The following NRXN3 variants were observed in gnomAD, a reference collection of about 807,000 sequenced individuals.
The protein encoded by NRXN3 is neurexin III.
Under a neutral mutation model 137.6 loss-of-function variants are expected in NRXN3, and 32 were observed. The ratio of observed to expected loss-of-function variants is 0.23; its 90% CI spans 0.18 to 0.31. The LOEUF (loss-of-function observed/expected upper bound fraction) is 0.31, where lower values mean the gene tolerates loss of function less well. NRXN3 is among the 10% of genes least tolerant of loss of function. The probability of loss-of-function intolerance (pLI) is 1.00; values close to 1 mark genes in which losing one functional copy is unlikely to be tolerated. For missense variants in NRXN3, 1,574 were observed against 2,062.5 expected (o/e 0.76, Z 4.59); for synonymous variants, 798 against 784.5 (o/e 1.02, Z -0.29).
At chr14:79,544,245 A>G (rs1450646329) in intron 16 of NRXN3, among the ~76,000 whole-genome samples, 1 of 152,220 alleles carries the variant, frequency 6.6e-6, no homozygotes, top group Non-Finnish European at 1.5e-5. Context: ...GCGCTACAGG[A>G]TAGCACAATA....
intron 15 of NRXN3, among the ~76,000 whole-genome samples, chr14:79,000,162 T>C (rs2099538467): frequency 6.6e-6 from 1 of 152,142 alleles, no homozygotes; most frequent in Non-Finnish European, 1.5e-5. Flanking sequence ...TCCTGGTAAA[T>C]TAACTACATG....
chr14:79,118,986 A>G (rs993190254), intron 15 of NRXN3, among the ~76,000 whole-genome samples: 3 of 152,182 alleles, frequency 2.0e-5, no homozygotes, highest in African/African-American at 7.2e-5. Context: ...AGTCATTACC[A>G]TCTGTAAGGT....
Position 79,738,859 on chromosome 14 carries a change from A to G in NRXN3, c.4014+40922A>G, listed in dbSNP as rs114789431. On this transcript the variant is annotated intron_variant, in intron 19 of 20. Coordinates refer to ENST00000335750, the MANE Select transcript of NRXN3 (RefSeq NM_001330195.2). ...CAGACATGAGCCACTGCGCCCAGCC[A>G]AATGTGTTCATTTTAAGTCACTCAC... is the stretch of plus-strand genomic sequence containing the variant. Among the ~76,000 whole-genome samples, 258 of 152,314 alleles carry G rather than the reference A, an allele frequency of 1.7e-3. 1 individual carries two copies. The highest frequency in any genetic ancestry group is 6.1e-3 in the African/African-American group (253 of 41,582).
chr14:78,835,004 T>G (rs967124829), intron 10 of NRXN3, among the ~76,000 whole-genome samples: 8 of 151,944 alleles, frequency 5.3e-5, no homozygotes, highest in Non-Finnish European at 1.0e-4. Flanking sequence ...GCTGTCTTGC[T>G]AAAGACATCC....
chr14:78,660,840 T>A (rs1378342325), intron 6 of NRXN3, among the ~76,000 whole-genome samples: 2 of 152,244 alleles, frequency 1.3e-5, no homozygotes, highest in Non-Finnish European at 2.9e-5. Flanking sequence ...GAATTCCTCA[T>A]GTTCCTATTT....
At chr14:79,087,927 T>TG in intron 15 of NRXN3, among the ~76,000 whole-genome samples, 2 of 152,112 alleles carry the variant, frequency 1.3e-5, no homozygotes, top group Non-Finnish European at 2.9e-5. Flanking sequence ...CGCCTGCTTG[T>TG]TTGGGAAATA....
chr14:79,276,204 C>A (rs1427924819), intron 15 of NRXN3, among the ~76,000 whole-genome samples: 2 of 151,984 alleles, frequency 1.3e-5, no homozygotes, highest in African/African-American at 2.4e-5. Flanking sequence ...ATGTGTTAGA[C>A]TAATATAGGC....
At chr14:79,648,296 A>T (rs1232075856) in intron 16 of NRXN3, among the ~76,000 whole-genome samples, 1 of 135,408 alleles carries the variant, frequency 7.4e-6, no homozygotes, top group African/African-American at 2.5e-5. Flanking sequence ...GACTGTGGTG[A>T]ATTGGAAAAC....
intron 13 of NRXN3, among the ~76,000 whole-genome samples, chr14:78,967,925 T>A (rs780425515): frequency 6.6e-6 from 1 of 152,008 alleles, no homozygotes; most frequent in Admixed American, 6.6e-5. Flanking sequence ...ATATTGTTAA[T>A]CTTTACTCCA....
At chr14:78,354,140 G>A (rs2083936686) in intron 4 of NRXN3, among the ~76,000 whole-genome samples, 1 of 152,152 alleles carries the variant, frequency 6.6e-6, no homozygotes, top group Non-Finnish European at 1.5e-5. Flanking sequence ...GAAATAGGAA[G>A]CATCCATTTG....
intron 16 of NRXN3, among the ~76,000 whole-genome samples, chr14:79,481,489 T>C (rs1349180259): frequency 6.6e-6 from 1 of 152,234 alleles, no homozygotes; most frequent in African/African-American, 2.4e-5. Context: ...ATCCAGGCTA[T>C]AAACCTGCAC....
At chr14:78,332,315 CTTCTT>C (rs1460263239) in intron 4 of NRXN3, among the ~76,000 whole-genome samples, 4 of 94,358 alleles carry the variant, frequency 4.2e-5, no homozygotes, top group Non-Finnish European at 5.8e-5. Flanking sequence ...TTCTTTTCTT[CTTCTT>C]TTTTTTTTTT....
At chr14:78,441,645 C>T (rs1044104300) in intron 4 of NRXN3, among the ~76,000 whole-genome samples, 16 of 151,892 alleles carry the variant, frequency 1.1e-4, no homozygotes, top group Non-Finnish European at 1.9e-4. Flanking sequence ...GGTGGTTCCC[C>T]CAAAAGATAT....
chr14:79,724,622 C>T (rs2098869727), intron 19 of NRXN3, among the ~76,000 whole-genome samples: 1 of 152,158 alleles, frequency 6.6e-6, no homozygotes, highest in South Asian at 2.1e-4. Context: ...AGTATTCTGC[C>T]ATGTACTCTG....
chr14:78,244,877 G>A (rs556428500), intron 2 of NRXN3, among the ~76,000 whole-genome samples: 1 of 152,328 alleles, frequency 6.6e-6, no homozygotes, highest in South Asian at 2.1e-4. Context: ...TGACTTCCCA[G>A]GGAGAAGCAG....
chr14:78,740,550 T>TA (rs2098562077), intron 8 of NRXN3, among the ~76,000 whole-genome samples: 1 of 151,150 alleles, frequency 6.6e-6, no homozygotes. Context: ...TTTTCTTTTT[T>TA]TTTTTTTTAC....
At chr14:78,992,097 G>A (rs2099520148) in intron 15 of NRXN3, among the ~76,000 whole-genome samples, 1 of 152,158 alleles carries the variant, frequency 6.6e-6, no homozygotes, top group Non-Finnish European at 1.5e-5. Context: ...TAATTGATTT[G>A]CTAATTGTCT....
At chr14:79,615,473 T>C (rs2098143483) in intron 16 of NRXN3, among the ~76,000 whole-genome samples, 1 of 152,164 alleles carries the variant, frequency 6.6e-6, no homozygotes, top group Non-Finnish European at 1.5e-5. Flanking sequence ...TTGCTTGTCC[T>C]TTTTGGAAGT....
At chr14:78,365,624 T>C (rs1278350541) in intron 4 of NRXN3, among the ~76,000 whole-genome samples, 1 of 152,206 alleles carries the variant, frequency 6.6e-6, no homozygotes, top group Admixed American at 6.5e-5. Context: ...AAAGAAAAAC[T>C]GTTTGGAGAA....
Sources: allele counts gnomAD v4.1 joint callset (sites outside exome capture counted in the v4.1 genomes callset), GRCh38; gene constraint gnomAD v4.1.1; transcripts MANE v1.5; gene names NCBI Gene and HGNC (gene_info 2026-07-23, HGNC 2026-07-21).